Variants in SSPN observed in about 807,000 individuals in gnomAD.
SSPN encodes the protein K-ras oncogene-associated protein.
In SSPN, 15 loss-of-function variants were observed where a neutral mutation model predicts 19.1. That is an observed-to-expected ratio of 0.78 (90% CI 0.52 to 1.21). The LOEUF is 1.21. SSPN is among the 50% of genes most tolerant of loss of function. The pLI, the probability that SSPN is intolerant of heterozygous loss-of-function variation, is 0.00. For missense variants in SSPN, 291 were observed against 314.0 expected (o/e 0.93, Z 0.55); for synonymous variants, 147 against 140.3 (o/e 1.05, Z -0.34).
chr12:26,187,086 T>C (rs924181513), intron 1 of SSPN, among the ~76,000 whole-genome samples: 3 of 152,156 alleles, frequency 2.0e-5, no homozygotes, highest in African/African-American at 7.2e-5. Flanking sequence ...GGAAGAAAGG[T>C]CTGCACCCTT....
intron 1 of SSPN, among the ~76,000 whole-genome samples, chr12:26,143,883 T>C (rs182282005): frequency 1.8e-3 from 272 of 152,208 alleles, no homozygotes; most frequent in Middle Eastern, 3.4e-3. Flanking sequence ...AAAACCCTAT[T>C]GTGAACTGCG....
chr12:26,140,242 T>A (rs141670040), intron 1 of SSPN, among the ~76,000 whole-genome samples: 10 of 152,314 alleles, frequency 6.6e-5, no homozygotes, highest in Admixed American at 2.0e-4. Context: ...TCCAAACCCA[T>A]GTAGTCTTCC....
intron 1 of SSPN, among the ~76,000 whole-genome samples, chr12:26,133,309 C>T (rs1944406500): frequency 6.6e-6 from 1 of 152,152 alleles, no homozygotes; most frequent in African/African-American, 2.4e-5. Context: ...TCATCTCCCT[C>T]ACTCCCCCAT....
intron 1 of SSPN, among the ~76,000 whole-genome samples, chr12:26,186,625 G>T (rs866831792): frequency 7.9e-5 from 12 of 152,264 alleles, no homozygotes; most frequent in Middle Eastern, 3.4e-3. Flanking sequence ...GCTTCTGCAG[G>T]TCTGTTATTG....
chr12:26,180,995 G>C (rs949513580), intron 1 of SSPN: 1 of 152,202 alleles, frequency 6.6e-6, no homozygotes, highest in Non-Finnish European at 1.5e-5. Context: ...GGCCACTCCA[G>C]TTCTCCCCAG....
chr12:26,127,510 C>T (rs1381798071), intron 1 of SSPN, among the ~76,000 whole-genome samples: 3 of 152,228 alleles, frequency 2.0e-5, no homozygotes, highest in Non-Finnish European at 4.4e-5. Context: ...GATACCTACT[C>T]AAACTGCAAA....
intron 1 of SSPN, among the ~76,000 whole-genome samples, chr12:26,172,643 C>T (rs1007497405): frequency 3.7e-4 from 57 of 152,148 alleles, no homozygotes; most frequent in Admixed American, 2.5e-3. Flanking sequence ...ATTGGCTCTA[C>T]GCCAAGATTA....
At chr12:26,154,877 A>C (rs965212922) in intron 1 of SSPN, among the ~76,000 whole-genome samples, 5 of 152,142 alleles carry the variant, frequency 3.3e-5, no homozygotes, top group Non-Finnish European at 7.4e-5. Context: ...ATGAGAAAGT[A>C]GTGGGGTTTG....
At chr12:26,133,986 A>G (rs1944411605) in intron 1 of SSPN, among the ~76,000 whole-genome samples, 1 of 152,200 alleles carries the variant, frequency 6.6e-6, no homozygotes, top group South Asian at 2.1e-4. Flanking sequence ...ACTAAGTTAT[A>G]GCCAGAGCAA....
chr12:26,161,448 C>A (rs1484394009), intron 1 of SSPN, among the ~76,000 whole-genome samples: 2 of 152,166 alleles, frequency 1.3e-5, no homozygotes, highest in Admixed American at 6.5e-5. Flanking sequence ...TCTTTCCCTG[C>A]CCTGCCCCAT....
intron 1 of SSPN, among the ~76,000 whole-genome samples, chr12:26,130,439 T>TA (rs545324422): frequency 6.6e-4 from 100 of 152,204 alleles, no homozygotes; most frequent in African/African-American, 2.3e-3. Flanking sequence ...ACTCCTACTT[T>TA]AAAAAAACAA....
intron 1 of SSPN, among the ~76,000 whole-genome samples, chr12:26,213,657 T>A (rs1945016101): frequency 6.6e-6 from 1 of 152,140 alleles, no homozygotes; most frequent in African/African-American, 2.4e-5. Flanking sequence ...CCAGCAAGGC[T>A]CTCAAACATC....
chr12:26,206,383 G>A (rs1179332606), intron 1 of SSPN, among the ~76,000 whole-genome samples: 1 of 152,042 alleles, frequency 6.6e-6, no homozygotes, highest in Non-Finnish European at 1.5e-5. Flanking sequence ...TGAACAAGAT[G>A]GTTCTCTCAT....
intron 1 of SSPN, among the ~76,000 whole-genome samples, chr12:26,197,972 T>A (rs957910387): frequency 1.3e-5 from 2 of 152,200 alleles, no homozygotes; most frequent in Non-Finnish European, 2.9e-5. Flanking sequence ...AATTTGGGCA[T>A]GTGTCACTGT....
chr12:26,205,330 CTT>C (rs758560344), intron 1 of SSPN, among the ~76,000 whole-genome samples: 1 of 152,258 alleles, frequency 6.6e-6, no homozygotes, highest in African/African-American at 2.4e-5. Context: ...AGCCCTCTCT[CTT>C]GTATGGAAGA....
rs746684180 is a variant in SSPN at position 26,122,103 on chromosome 12, T to A, written c.-80T>A. 2.6e-6 allele frequency: 4 copies of A among 1,549,604 alleles called. No homozygotes were observed. In the South Asian group the frequency reaches 4.8e-5, roughly 18 times the overall value. On this transcript the variant is annotated 5_prime_UTR_variant, in exon 1 of 3. Coordinates refer to the SSPN transcript ENST00000538142. ...CTTTCCTGGCTGCGAGGGATCTTCC[T>A]GAGCAGAGCTCTCCGGGTTCCCCGG...
chr12:26,133,716 A>T (rs1411222636), intron 1 of SSPN, among the ~76,000 whole-genome samples: 1 of 152,216 alleles, frequency 6.6e-6, no homozygotes, highest in East Asian at 1.9e-4. Context: ...TAAACCTCAC[A>T]TCTGCACACA....
At chr12:26,124,253 G>GGC in intron 1 of SSPN, 2 of 785,896 alleles carry the variant, frequency 2.5e-6, no homozygotes, top group South Asian at 1.5e-5. Flanking sequence ...ACCCTCGTCT[G>GGC]CCCCCCCCGC....
intron 1 of SSPN, among the ~76,000 whole-genome samples, chr12:26,185,416 T>C (rs937815559): frequency 1.3e-5 from 2 of 152,324 alleles, no homozygotes; most frequent in African/African-American, 4.8e-5. Context: ...TTCTTTAGTA[T>C]TGAGGTCTGC....
Sources: allele counts gnomAD v4.1 joint callset (sites outside exome capture counted in the v4.1 genomes callset), GRCh38; gene constraint gnomAD v4.1.1; transcripts MANE v1.5; gene names NCBI Gene and HGNC (gene_info 2026-07-23, HGNC 2026-07-21).